Variants in DIAPH2 observed in about 807,000 individuals in gnomAD.
DIAPH2 encodes the protein protein diaphanous homolog 2.
DIAPH2 carries 35 observed loss-of-function variants against 92.7 expected under a neutral mutation model. That is an observed-to-expected ratio of 0.38 (90% CI 0.29 to 0.50). The LOEUF (loss-of-function observed/expected upper bound fraction) is 0.50, where lower values mean the gene tolerates loss of function less well. DIAPH2 is among the 20% of genes least tolerant of loss of function. The pLI, the probability that DIAPH2 is intolerant of heterozygous loss-of-function variation, is 0.94. For synonymous variants in DIAPH2, 301 were observed against 280.4 expected (o/e 1.07, Z -0.73); for missense variants, 701 against 819.5 (o/e 0.86, Z 1.77).
intron 4 of DIAPH2, among the ~76,000 whole-genome samples, chrX:96,843,694 G>A (rs780419692): frequency 9.0e-6 from 1 of 111,183 alleles, no homozygotes; most frequent in Admixed American, 9.6e-5. Context: ...AACTACTCTC[G>A]CCCCACTACA....
intron 26 of DIAPH2, among the ~76,000 whole-genome samples, chrX:97,510,420 G>C (rs1201284014): frequency 1.2e-3 from 130 of 111,672 alleles, no homozygotes; most frequent in African/African-American, 4.0e-3. Flanking sequence ...CCCTTTGTCA[G>C]ATGAGTAGAT....
intron 26 of DIAPH2, among the ~76,000 whole-genome samples, chrX:97,597,352 C>T (rs1416326300): frequency 8.9e-6 from 1 of 112,268 alleles, no homozygotes; most frequent in Non-Finnish European, 1.9e-5. Context: ...TGTTTTCTCA[C>T]ACCAGATGAC....
intron 23 of DIAPH2, among the ~76,000 whole-genome samples, chrX:97,327,795 C>G (rs2068964774): frequency 8.9e-6 from 1 of 112,147 alleles, no homozygotes; most frequent in South Asian, 3.7e-4. Context: ...AGGCTGGTCT[C>G]AAACTCCTGA....
intron 17 of DIAPH2, among the ~76,000 whole-genome samples, chrX:96,970,288 G>T (rs1396110686): frequency 9.0e-6 from 1 of 111,702 alleles, no homozygotes; most frequent in African/African-American, 3.3e-5. Context: ...AGTAGAATTG[G>T]TACCAGCTCT....
chrX:96,880,141 C>G lies in DIAPH2; in HGVS notation c.448-1438C>G, dbSNP rs1011623680. Among the ~76,000 whole-genome samples the G allele has an allele frequency of 5.4e-5, 6 of 111,756 alleles. No individual in the cohort carries two copies. The Admixed American group carries it at 5.7e-4, about 11-fold the overall frequency. ...AAAGTATGAAATCGTATTCCTTGTT[C>G]TGCAGTTATTATGGAGAAGTTCAAT... On this transcript the variant is annotated intron_variant, in intron 4 of 26. Coordinates refer to ENST00000324765, the MANE Select transcript of DIAPH2 (RefSeq NM_006729.5).
At chrX:97,331,555 T>C (rs940188439) in intron 23 of DIAPH2, among the ~76,000 whole-genome samples, 1 of 112,161 alleles carries the variant, frequency 8.9e-6, no homozygotes, top group African/African-American at 3.2e-5. Flanking sequence ...GCAAAAAAAT[T>C]TTTGTTGCAA....
intron 26 of DIAPH2, among the ~76,000 whole-genome samples, chrX:97,484,461 TATTATTG>T (rs1396914191): frequency 8.9e-6 from 1 of 112,415 alleles, no homozygotes; most frequent in African/African-American, 3.2e-5. Context: ...ACATAGTCAA[TATTATTG>T]ATATTGTTTA....
chrX:97,515,901 G>T (rs1016810623), intron 26 of DIAPH2, among the ~76,000 whole-genome samples: 3 of 111,292 alleles, frequency 2.7e-5, no homozygotes, highest in Admixed American at 9.6e-5. Flanking sequence ...ACTCTGAAAA[G>T]CTGGTAGATT....
At chrX:96,926,617 A>G (rs1418890342) in intron 9 of DIAPH2, among the ~76,000 whole-genome samples, 1 of 111,627 alleles carries the variant, frequency 9.0e-6, no homozygotes, top group Non-Finnish European at 1.9e-5. Context: ...GTGGTAGAAA[A>G]CTGATAATGA....
At chrX:96,731,380 C>A (rs1312615256) in intron 1 of DIAPH2, among the ~76,000 whole-genome samples, 1 of 111,851 alleles carries the variant, frequency 8.9e-6, no homozygotes, top group Non-Finnish European at 1.9e-5. Context: ...TAATGGCCAA[C>A]TTAATTCATT....
chrX:97,192,784 C>T (rs988360131), intron 22 of DIAPH2, among the ~76,000 whole-genome samples: 21 of 110,292 alleles, frequency 1.9e-4, no homozygotes, highest in Non-Finnish European at 9.5e-5. Context: ...TTCTGAAACC[C>T]TAACACCTGA....
In DIAPH2 at chrX:97,601,542, A is replaced by C. The variant is rs1288498212; in HGVS notation, c.*2225A>C. On this transcript the variant is annotated 3_prime_UTR_variant, in exon 27 of 27. Coordinates refer to ENST00000324765, the MANE Select transcript of DIAPH2 (RefSeq NM_006729.5). ...GATTTGTAATGGTCCTGCTCTAGCC[A>C]TTTGCAGTTTTGTTTTAGATGATTG... The C allele has an allele frequency of 1.8e-5, 2 of 111,518 alleles. No homozygotes were observed. The highest frequency in any genetic ancestry group is 3.8e-5 in the Non-Finnish European group (2 of 53,017). The allele number at this position is 111,518 out of a possible 1,213,427, so 9.2% of individuals were successfully genotyped here. A position where few individuals can be genotyped will look rare whatever the true frequency, so the allele number is the denominator to read the frequency against.
chrX:97,334,858 GTAAT>G (rs2069039185), intron 23 of DIAPH2, among the ~76,000 whole-genome samples: 1 of 107,635 alleles, frequency 9.3e-6, no homozygotes, highest in Non-Finnish European at 1.9e-5. Flanking sequence ...GCAGGCGCCT[GTAAT>G]CCCAGCTCTT....
chrX:97,183,403 C>T (rs1033653133), intron 22 of DIAPH2, among the ~76,000 whole-genome samples: 1 of 111,401 alleles, frequency 9.0e-6, no homozygotes, highest in Non-Finnish European at 1.9e-5. Context: ...ATTTGTTGGC[C>T]TAGGTTATAT....
intron 9 of DIAPH2, among the ~76,000 whole-genome samples, chrX:96,924,719 G>A (rs931264303): frequency 2.7e-5 from 3 of 111,155 alleles, no homozygotes; most frequent in Non-Finnish European, 5.7e-5. Context: ...CTCAGGAAAC[G>A]TACAATTGTA....
intron 26 of DIAPH2, among the ~76,000 whole-genome samples, chrX:97,488,057 A>C (rs1036253162): frequency 8.0e-5 from 9 of 112,230 alleles, no homozygotes; most frequent in African/African-American, 2.9e-4. Context: ...GCAATGGCAC[A>C]ATCTTGGCTC....
intron 4 of DIAPH2, among the ~76,000 whole-genome samples, chrX:96,773,243 C>G (rs376080766): frequency 2.3e-5 from 2 of 86,198 alleles, no homozygotes; most frequent in Non-Finnish European, 4.6e-5. Flanking sequence ...TGTTTCCCCC[C>G]CCCTCCCGCC....
chrX:96,744,073 G>A (rs777109064), intron 3 of DIAPH2, among the ~76,000 whole-genome samples: 4 of 112,086 alleles, frequency 3.6e-5, no homozygotes, highest in East Asian at 2.8e-4. Context: ...ACAACCAAAA[G>A]TTAAACTGAA....
At chrX:97,384,848 A>G (rs749848348) in intron 25 of DIAPH2, among the ~76,000 whole-genome samples, 2 of 109,935 alleles carry the variant, frequency 1.8e-5, no homozygotes, top group East Asian at 5.7e-4. Context: ...CCTAGGCAAC[A>G]GAGCGAGACT....
Sources: gnomAD v4.1 joint callset for allele counts (sites outside exome capture counted in the v4.1 genomes callset) on GRCh38, gnomAD v4.1.1 for gene constraint, MANE v1.5 for transcripts, NCBI Gene and HGNC (gene_info 2026-07-23, HGNC 2026-07-21) for gene names.